Variants in TGM7 observed in about 807,000 individuals in gnomAD.
TGM7 encodes the protein transglutaminase 7.
TGM7 carries 74 observed loss-of-function variants against 79.5 expected under a neutral mutation model. The observed-to-expected ratio is 0.93, with a 90% CI of 0.77 to 1.13. TGM7 has a LOEUF of 1.13. TGM7 is among the 50% of genes most tolerant of loss of function. TGM7 has a pLI of 0.00. For missense variants in TGM7, 912 were observed against 905.9 expected, an observed-to-expected ratio of 1.01 and a Z score of -0.09; for synonymous variants, 354 against 362.5, an observed-to-expected ratio of 0.98 and a Z score of 0.27.
chr15:43,282,631 G>A lies in TGM7; in HGVS notation c.1005-11C>T, dbSNP rs773567564. 1 of 1,579,604 alleles carries A rather than the reference G, an allele frequency of 6.3e-7. No homozygotes were observed. Among genetic ancestry groups the A allele is most frequent in the Non-Finnish European group, 8.6e-7 (1 of 1,160,740 alleles). Reference sequence around the variant, plus strand: ...CAGACGTGGAAGTTCCTGCAGGAGGGAGTAAGGAGACAAGGATTCATGTTA... The same window carrying A: ...CAGACGTGGAAGTTCCTGCAGGAGGAAGTAAGGAGACAAGGATTCATGTTA... On this transcript the variant is annotated splice_polypyrimidine_tract_variant and intron_variant, in intron 7 of 12. Transcript: ENST00000452443.
Position 43,281,930 on chromosome 15 carries a change from G to A in TGM7, c.1265C>T (p.Thr422Ile). ...GQAQEILAHNTSSIGKEISTK... is the reference protein window; with the variant it reads ...GQAQEILAHNISSIGKEISTK... ...GCTGATCTCCTTCCCGATGGAACTG[G>A]TGTTGTGGGCCAGGATTTCCTGGGC... The change falls in exon 9 of 13, where the codon ACC becomes ATC. Residue 422 changes from threonine (T) to isoleucine (I), a missense_variant. Coordinates refer to ENST00000452443, the MANE Select transcript of TGM7 (RefSeq NM_052955.3). The A allele has an allele frequency of 1.2e-6, 2 of 1,614,200 alleles. No individual in the cohort carries two copies. The highest frequency in any genetic ancestry group is 2.2e-5 in the South Asian group (2 of 91,084).
At position 43,293,606 on chromosome 15, in the gene TGM7, G is replaced by C; in HGVS notation, c.36C>G (p.Val12=). The change falls in exon 2 of 13, where the codon GTC becomes GTG. Residue 12 remains valine, a synonymous_variant. Transcript: ENST00000452443. ...TGTTGTTCCTGGAGCTCTGCAGGTC[G>C]ACAGACTCAAGCCGCAAGGTTGCCA... The part of the protein sequence containing the change: ...DQVATLRLES[V]DLQSSRNNKE... 6.2e-7 allele frequency: 1 copy of C among 1,607,888 alleles called. No homozygotes were observed. Among genetic ancestry groups the C allele is most frequent in the Non-Finnish European group, 8.5e-7 (1 of 1,178,544 alleles).
At chr15:43,297,465 A>C (rs978767654) in intron 1 of TGM7, among the ~76,000 whole-genome samples, 18 of 150,824 alleles carry the variant, frequency 1.2e-4, no homozygotes, top group Non-Finnish European at 2.7e-4. Flanking sequence ...AAAAGAGAGA[A>C]AGAGAGACAG....
intron 4 of TGM7, among the ~76,000 whole-genome samples, chr15:43,289,681 C>T (rs966288034): frequency 6.6e-6 from 1 of 152,222 alleles, no homozygotes; most frequent in Non-Finnish European, 1.5e-5. Flanking sequence ...GTCCCACCAA[C>T]AGTGTAAAAG....
chr15:43,287,771 A>T, intron 4 of TGM7, 102 bp from the exon 5 acceptor site: 51 of 1,257,368 alleles, frequency 4.1e-5, no homozygotes, highest in Non-Finnish European at 5.2e-5. Flanking sequence ...GTATATGGGG[A>T]TGTGGGGGCA....
chr15:43,276,828 C>T, intron 12 of TGM7, 34 bp downstream of exon 12: 2 of 1,608,222 alleles, frequency 1.2e-6, no homozygotes, highest in Non-Finnish European at 1.7e-6. Flanking sequence ...TTCCTGAGAC[C>T]AGCAAGGGGG....
Position 43,292,067 on chromosome 15 carries a change from A to T in TGM7, c.470T>A (p.Leu157Gln), listed in dbSNP as rs2042966182. The T allele has an allele frequency of 6.2e-7, 1 of 1,613,898 alleles. No individual in the cohort carries two copies. Among genetic ancestry groups the T allele is most frequent in the Admixed American group, 1.7e-5 (1 of 60,012 alleles). Residue 157 changes from leucine (L) to glutamine (Q), a missense_variant, in exon 4 of 13, where the codon CTG (leucine) becomes CAG (glutamine). By Grantham distance (113) the Leu-to-Gln change is moderately radical. Transcript: ENST00000452443. ...ATCTCGCATGATATACTCCTGCAGC[A>T]GTATTTCACTTGGCAGGTAGACGTC... ...EDDVYLPSEI[L>Q]LQEYIMRDYG...
At chr15:43,277,456 G>A (rs768094341) in intron 11 of TGM7, among the ~76,000 whole-genome samples, 10 of 152,196 alleles carry the variant, frequency 6.6e-5, no homozygotes, top group Non-Finnish European at 1.3e-4. Flanking sequence ...GCTCATCACC[G>A]AGGAAACAGT....
chr15:43,290,241 A>G lies in TGM7; in HGVS notation c.558+1738T>C, dbSNP rs186686965. On this transcript the variant is annotated intron_variant, in intron 4 of 12. Coordinates refer to ENST00000452443, the MANE Select transcript of TGM7 (RefSeq NM_052955.3). ...TAATCCATCTTGAATTAATTTTTGTATAAGGTGTAAGGAAGGGGTCCAATT... is the reference window on the plus strand; with the variant it reads ...TAATCCATCTTGAATTAATTTTTGTGTAAGGTGTAAGGAAGGGGTCCAATT... Among the ~76,000 whole-genome samples, 1,456 of 152,284 alleles carry G rather than the reference A, an allele frequency of 9.6e-3. 30 individuals are homozygous for G. Among genetic ancestry groups the G allele is most frequent in the African/African-American group, 0.034 (1,396 of 41,558 alleles).
intron 6 of TGM7, among the ~76,000 whole-genome samples, chr15:43,286,434 C>T (rs528233802): frequency 3.3e-5 from 5 of 152,282 alleles, no homozygotes; most frequent in African/African-American, 1.2e-4. Context: ...AGCCCTAGCC[C>T]CATTTCACAC....
At chr15:43,297,543 A>AAAAG (rs202000697) in intron 1 of TGM7, among the ~76,000 whole-genome samples, 2 of 137,076 alleles carry the variant, frequency 1.5e-5, no homozygotes, top group African/African-American at 5.8e-5. Flanking sequence ...AAGAAAGAGA[A>AAAAG]AAAGAAAGAA....
rs2042969354 is a variant in TGM7, at chr15:43,292,695, T to G, written c.439+14A>C. 2 of 1,613,466 alleles carry G rather than the reference T, an allele frequency of 1.2e-6. No homozygotes were observed. The highest frequency in any genetic ancestry group is 1.7e-6 in the Non-Finnish European group (2 of 1,179,560). On this transcript the variant is annotated intron_variant, in intron 3 of 12. Transcript: ENST00000452443. The stretch of plus-strand genomic sequence containing the variant: ...TGGATCAGGTTAGCAATACAAGCTG[T>G]GGGCACATCCTACCTGGACTCCAAG...
At chr15:43,298,683 G>A (rs1384173518) in intron 1 of TGM7, among the ~76,000 whole-genome samples, 2 of 152,066 alleles carry the variant, frequency 1.3e-5, no homozygotes, top group Non-Finnish European at 2.9e-5. Context: ...AACCCGGGAG[G>A]CGGAGGTTGC....
rs1166241808 is a variant in TGM7, at chr15:43,287,419, G to C, written c.726C>G (p.Asn242Lys). 3.7e-6 allele frequency: 6 copies of C among 1,614,104 alleles called. No homozygotes were observed. Among genetic ancestry groups the C allele is most frequent in the East Asian group, 2.2e-5 (1 of 44,874 alleles). ...CCCCTTTGGAGTAGTCCTCGCCCCA[G>C]TTCCCCTGCAGCACGCCATTGTCAT... ...SNDDNGVLQGNWGEDYSKGVS... is the reference protein window; with the variant it reads ...SNDDNGVLQGKWGEDYSKGVS... The change falls in exon 6 of 13, where the codon AAC (asparagine) becomes AAG (lysine). Residue 242 changes from asparagine (N) to lysine (K), a missense_variant. Coordinates refer to ENST00000452443, the MANE Select transcript of TGM7 (RefSeq NM_052955.3).
chr15:43,282,379 T>C (rs1566843429), intron 8 of TGM7, 138 bp downstream of exon 8: 1 of 825,944 alleles, frequency 1.2e-6, no homozygotes, highest in African/African-American at 1.7e-5. Flanking sequence ...ATTCCTGATC[T>C]GAAGCTGTGT....
At chr15:43,284,320 A>G (rs555200396) in intron 7 of TGM7, among the ~76,000 whole-genome samples, 51 of 148,504 alleles carry the variant, frequency 3.4e-4, no homozygotes, top group Non-Finnish European at 5.3e-4. Flanking sequence ...CCAGAGATAC[A>G]CAAATAAAGG....
In TGM7 at chr15:43,276,654, C is replaced by A. The variant is rs771088194; in HGVS notation, c.1974-40G>T. The A allele has an allele frequency of 6.3e-6, 10 of 1,592,184 alleles. No individual in the cohort carries two copies. The Admixed American group carries it at 1.7e-4, about 27-fold the overall frequency. Reference sequence around the variant, plus strand: ...CAGCCTGTGAGAGCCTCGAGGACTTCCTGCTGGCGGCAGGGGTGATCTGGT... The same window carrying A: ...CAGCCTGTGAGAGCCTCGAGGACTTACTGCTGGCGGCAGGGGTGATCTGGT... On this transcript the variant is annotated intron_variant, in intron 12 of 12. Transcript: ENST00000452443.
rs965582497 is a variant in TGM7, at chr15:43,293,301, C to G, written c.193+148G>C. 15 of 1,085,446 alleles carry G rather than the reference C, an allele frequency of 1.4e-5. No individual in the cohort carries two copies. The East Asian group carries it at 3.6e-4, about 26-fold the overall frequency. The allele number at this position is 1,085,446 out of a possible 1,614,324, so 67.2% of individuals were successfully genotyped here. A position where few individuals can be genotyped will look rare whatever the true frequency, so the allele number is the denominator to read the frequency against. On this transcript the variant is annotated intron_variant, in intron 2 of 12. Coordinates refer to ENST00000452443, the MANE Select transcript of TGM7 (RefSeq NM_052955.3). ...CCAAATCTCTCCTTAACAGCACTAA[C>G]AGGGTCCTGAGCATGAGGGGTCTGG...
chr15:43,301,886 C>T (rs577976001), intron 1 of TGM7, among the ~76,000 whole-genome samples: 1 of 152,192 alleles, frequency 6.6e-6, no homozygotes, highest in Admixed American at 6.5e-5. Context: ...GAGGGGTCCT[C>T]CCACAGCTTC....
Sources: allele counts gnomAD v4.1 joint callset (sites outside exome capture counted in the v4.1 genomes callset), GRCh38; gene constraint gnomAD v4.1.1; transcripts MANE v1.5; gene names NCBI Gene and HGNC (gene_info 2026-07-23, HGNC 2026-07-21).